Variants in PARN observed in about 807,000 individuals in gnomAD.
PARN encodes the protein poly(A)-specific ribonuclease PARN.
PARN carries 71 observed loss-of-function variants against 102.8 expected under a neutral mutation model. The observed-to-expected ratio is 0.69, with a 90% CI of 0.57 to 0.84. The LOEUF is 0.84. Ranked by LOEUF, PARN falls within the 40% of genes least tolerant of loss-of-function variation. PARN has a pLI of 0.00. For missense variants in PARN, 782 were observed against 760.9 expected, an observed-to-expected ratio of 1.03 and a Z score of -0.33; for synonymous variants, 261 against 252.9, an observed-to-expected ratio of 1.03 and a Z score of -0.30.
At chr16:14,540,877 G>T (rs1296551882) in intron 21 of PARN, among the ~76,000 whole-genome samples, 1 of 152,180 alleles carries the variant, frequency 6.6e-6, no homozygotes, top group Non-Finnish European at 1.5e-5. Context: ...CTTGAGCCCA[G>T]GAGGTAGAGG....
At chr16:14,488,517 A>T (rs1402260456) in intron 21 of PARN, among the ~76,000 whole-genome samples, 1 of 152,210 alleles carries the variant, frequency 6.6e-6, no homozygotes, top group Non-Finnish European at 1.5e-5. Context: ...ATATAAAAAT[A>T]GCCACAAACT....
chr16:14,611,869 G>C (rs1208349703), intron 6 of PARN, among the ~76,000 whole-genome samples: 2 of 152,132 alleles, frequency 1.3e-5, no homozygotes, highest in Admixed American at 1.3e-4. Context: ...GGGCTCGATG[G>C]CAAATGTTTT....
intron 2 of PARN, among the ~76,000 whole-genome samples, chr16:14,629,179 A>T (rs1972867963): frequency 6.6e-6 from 1 of 152,216 alleles, no homozygotes; most frequent in Non-Finnish European, 1.5e-5. Flanking sequence ...GAAGATGAAG[A>T]AGTCCTAGAG....
chr16:14,622,557 C>T (rs60409489), intron 5 of PARN, among the ~76,000 whole-genome samples: 2 of 152,316 alleles, frequency 1.3e-5, no homozygotes, highest in East Asian at 1.9e-4. Context: ...CAGGCTGGAG[C>T]GCAGTGGCGC....
At chr16:14,561,360 C>T (rs1414304046) in intron 18 of PARN, among the ~76,000 whole-genome samples, 1 of 152,130 alleles carries the variant, frequency 6.6e-6, no homozygotes, top group African/African-American at 2.4e-5. Context: ...CAAGCGCCAT[C>T]CAAGACTCCT....
chr16:14,489,005 C>T (rs530834316), intron 21 of PARN, among the ~76,000 whole-genome samples: 2 of 152,112 alleles, frequency 1.3e-5, no homozygotes, highest in East Asian at 3.9e-4. Flanking sequence ...TATGAGTGAA[C>T]TACAGCTACG....
intron 21 of PARN, among the ~76,000 whole-genome samples, chr16:14,532,469 G>A (rs979227626): frequency 2.0e-5 from 3 of 152,112 alleles, no homozygotes; most frequent in African/African-American, 7.2e-5. Flanking sequence ...CACAGCACAT[G>A]TTTCAGAGAG....
At chr16:14,451,869 CAAAAAA>C (rs869041563) in intron 22 of PARN, among the ~76,000 whole-genome samples, 4 of 52,498 alleles carry the variant, frequency 7.6e-5, no homozygotes, top group African/African-American at 2.6e-4. Context: ...AAAAAAAATA[CAAAAAA>C]AAAAAAAAAA....
intron 21 of PARN, among the ~76,000 whole-genome samples, chr16:14,510,237 T>C (rs1461423806): frequency 3.9e-5 from 6 of 152,166 alleles, no homozygotes; most frequent in African/African-American, 1.2e-4. Flanking sequence ...TTTCAAAGCA[T>C]GGGGTGATTA....
chr16:14,628,316 T>G, intron 2 of PARN, 65 bp from the exon 3 acceptor site: 1 of 853,146 alleles, frequency 1.2e-6, no homozygotes, highest in Non-Finnish European at 2.0e-6. Context: ...TGCCAGTCAA[T>G]CATTCAGTGC....
chr16:14,464,914 A>T (rs1004141945), intron 22 of PARN, among the ~76,000 whole-genome samples: 2 of 152,190 alleles, frequency 1.3e-5, no homozygotes, highest in African/African-American at 4.8e-5. Flanking sequence ...CAAACAAAAA[A>T]GCTGAAAGAG....
chr16:14,600,480 CTCTT>C (rs1173953958), intron 11 of PARN, among the ~76,000 whole-genome samples: 1 of 152,122 alleles, frequency 6.6e-6, no homozygotes, highest in Non-Finnish European at 1.5e-5. Context: ...CTCAGTGTCT[CTCTT>C]ATCTTGAAAA....
intron 21 of PARN, among the ~76,000 whole-genome samples, chr16:14,547,695 G>GTC (rs1295297451): frequency 2.0e-5 from 3 of 151,820 alleles, no homozygotes; most frequent in African/African-American, 7.3e-5. Context: ...GGGCAACAGA[G>GTC]TGAAACCCAG....
At chr16:14,519,457 C>T (rs1043462473) in intron 21 of PARN, among the ~76,000 whole-genome samples, 4 of 152,002 alleles carry the variant, frequency 2.6e-5, no homozygotes, top group Non-Finnish European at 5.9e-5. Context: ...AATGAGGTCT[C>T]GAAATGCCAT....
intron 23 of PARN, among the ~76,000 whole-genome samples, chr16:14,437,715 T>C (rs1291056132): frequency 6.6e-6 from 1 of 152,228 alleles, no homozygotes; most frequent in Non-Finnish European, 1.5e-5. Context: ...TGGCAGTCTC[T>C]CTTCTAGCTG....
At chr16:14,506,222 A>C (rs1053770332) in intron 21 of PARN, among the ~76,000 whole-genome samples, 1 of 152,236 alleles carries the variant, frequency 6.6e-6, no homozygotes, top group African/African-American at 2.4e-5. Flanking sequence ...GAAAAATGTC[A>C]ATCTTGTGAA....
chr16:14,576,932 T>C (rs1969179970), intron 18 of PARN, among the ~76,000 whole-genome samples: 1 of 152,180 alleles, frequency 6.6e-6, no homozygotes, highest in Non-Finnish European at 1.5e-5. Context: ...TAAACAACAG[T>C]GGTCTCAGGA....
intron 21 of PARN, among the ~76,000 whole-genome samples, chr16:14,548,060 C>T (rs539243239): frequency 4.6e-5 from 7 of 152,038 alleles, no homozygotes; most frequent in South Asian, 2.1e-4. Flanking sequence ...CTGTCTAACA[C>T]GGTGAAACCC....
chr16:14,588,097 C>A (rs1969967066), intron 13 of PARN, among the ~76,000 whole-genome samples: 1 of 152,124 alleles, frequency 6.6e-6, no homozygotes, highest in East Asian at 1.9e-4. Context: ...GGAAAGATCA[C>A]CTCTTGGGCA....
Sources: allele counts gnomAD v4.1 joint callset (sites outside exome capture counted in the v4.1 genomes callset), GRCh38; gene constraint gnomAD v4.1.1; transcripts MANE v1.5; gene names NCBI Gene and HGNC (gene_info 2026-07-23, HGNC 2026-07-21).